The following RARB variants were observed in gnomAD, a reference collection of about 807,000 sequenced individuals.
RARB encodes HBV-activated protein.
A neutral mutation model predicts 51.9 loss-of-function variants in RARB; 17 were observed. The ratio of observed to expected loss-of-function variants is 0.33; its 90% CI spans 0.22 to 0.49. The LOEUF (loss-of-function observed/expected upper bound fraction) is 0.49, where lower values mean the gene tolerates loss of function less well. RARB is among the 20% of genes least tolerant of loss of function. RARB has a pLI of 0.99. For missense variants in RARB, 369 were observed against 550.8 expected (o/e 0.67, Z 3.30); for synonymous variants, 215 against 195.4 (o/e 1.10, Z -0.84).
intron 2 of RARB, among the ~76,000 whole-genome samples, chr3:25,053,987 T>C (rs1199146470): frequency 2.0e-5 from 3 of 152,134 alleles, no homozygotes; most frequent in African/African-American, 7.2e-5. Context: ...GCTCCTACTC[T>C]GGGCCTGGCG....
chr3:24,970,574 AACACACACAC>A (rs60292267), intron 2 of RARB, among the ~76,000 whole-genome samples: 29 of 148,870 alleles, frequency 1.9e-4, no homozygotes, highest in Middle Eastern at 3.5e-3. Context: ...AAGTCATGTA[AACACACACAC>A]ACACACACAC....
chr3:25,527,124 G>A (rs1339526375), intron 3 of RARB, among the ~76,000 whole-genome samples: 4 of 152,216 alleles, frequency 2.6e-5, no homozygotes, highest in African/African-American at 9.6e-5. Flanking sequence ...TGCACATTCT[G>A]AATTGGCAGG....
chr3:25,392,885 T>C (rs1440013432), intron 5 of RARB, among the ~76,000 whole-genome samples: 1 of 152,174 alleles, frequency 6.6e-6, no homozygotes, highest in Non-Finnish European at 1.5e-5. Context: ...TTTATTTCTT[T>C]CTCTTGTCTG....
At chr3:25,321,911 G>A (rs1397352691) in intron 5 of RARB, among the ~76,000 whole-genome samples, 1 of 151,690 alleles carries the variant, frequency 6.6e-6, no homozygotes, top group Admixed American at 6.6e-5. Context: ...GGAATTTGTG[G>A]AGGCAGGCAG....
At chr3:25,001,105 G>A (rs1037646428) in intron 2 of RARB, among the ~76,000 whole-genome samples, 1 of 152,056 alleles carries the variant, frequency 6.6e-6, no homozygotes, top group Non-Finnish European at 1.5e-5. Flanking sequence ...GTTGAGAAAT[G>A]TGTGAGGATG....
At chr3:25,172,587 C>T (rs190557603) in intron 4 of RARB, among the ~76,000 whole-genome samples, 1 of 152,262 alleles carries the variant, frequency 6.6e-6, no homozygotes, top group African/African-American at 2.4e-5. Flanking sequence ...CTCAACCTTA[C>T]CCAGATCCCT....
rs1413825514 is a variant in RARB, at chr3:25,146,499, G to GTTTTTTTTTTTT, written c.-280+14294_-280+14295insTTTTTTTTTTTT. Among the ~76,000 whole-genome samples the GTTTTTTTTTTTT allele has an allele frequency of 1.8e-4, 19 of 104,434 alleles. 3 individuals are homozygous for GTTTTTTTTTTTT. Among genetic ancestry groups the GTTTTTTTTTTTT allele is most frequent in the Non-Finnish European group, 3.8e-4 (19 of 50,214 alleles). 68.5% of individuals were successfully genotyped at this position (104,434 alleles called of 152,430 possible). ...CAGGCTATAATTTGCTAAGTTTTTTGTTTGTTTGTTTGTTTTTTTTTTTTT... is the reference window on the plus strand; with the variant it reads ...CAGGCTATAATTTGCTAAGTTTTTTGTTTTTTTTTTTTTTTGTTTGTTTGTTTTTTTTTTTTT... On this transcript the variant is annotated intron_variant, in intron 4 of 11. Transcript: ENST00000383772.
intron 2 of RARB, among the ~76,000 whole-genome samples, chr3:24,911,172 A>C (rs1694982487): frequency 6.6e-6 from 1 of 152,204 alleles, no homozygotes; most frequent in Admixed American, 6.5e-5. Flanking sequence ...TTCTAGGATG[A>C]AACCATCTTC....
chr3:25,147,684 C>T (rs1700217094), intron 4 of RARB, among the ~76,000 whole-genome samples: 1 of 152,134 alleles, frequency 6.6e-6, no homozygotes, highest in Non-Finnish European at 1.5e-5. Context: ...TAACTATAAG[C>T]TGGTGTAAGG....
At chr3:24,850,181 C>A (rs1702538880) in intron 1 of RARB, among the ~76,000 whole-genome samples, 1 of 152,164 alleles carries the variant, frequency 6.6e-6, no homozygotes, top group Non-Finnish European at 1.5e-5. Flanking sequence ...CTAAACACAT[C>A]CCCAAAGCCT....
intron 2 of RARB, among the ~76,000 whole-genome samples, chr3:24,981,479 A>G (rs1370345816): frequency 1.3e-5 from 2 of 151,956 alleles, no homozygotes; most frequent in Non-Finnish European, 2.9e-5. Flanking sequence ...ATAACTGCCT[A>G]CTCAAGCCTC....
chr3:24,881,928 C>CA (rs1185206075), intron 2 of RARB, among the ~76,000 whole-genome samples: 56 of 151,966 alleles, frequency 3.7e-4, no homozygotes, highest in African/African-American at 1.4e-3. Context: ...AATATTGACT[C>CA]AATTTTTAGC....
At chr3:24,895,965 T>C (rs1476813392) in intron 2 of RARB, among the ~76,000 whole-genome samples, 1 of 152,208 alleles carries the variant, frequency 6.6e-6, no homozygotes, top group Non-Finnish European at 1.5e-5. Context: ...ACAAATCATA[T>C]CTATAAAAAG....
chr3:24,994,257 T>C (rs975258569), intron 2 of RARB, among the ~76,000 whole-genome samples: 1 of 152,154 alleles, frequency 6.6e-6, no homozygotes, highest in East Asian at 1.9e-4. Context: ...TGATAATTCA[T>C]GATGTTGGTC....
intron 5 of RARB, among the ~76,000 whole-genome samples, chr3:25,210,724 G>A (rs1308515426): frequency 2.0e-5 from 3 of 151,264 alleles, no homozygotes; most frequent in African/African-American, 4.9e-5. Flanking sequence ...TATTGGAGAA[G>A]GGGTTTCATC....
intron 3 of RARB, among the ~76,000 whole-genome samples, chr3:25,522,342 C>T (rs770589975): frequency 5.3e-5 from 8 of 152,184 alleles, no homozygotes; most frequent in Middle Eastern, 6.8e-3. Context: ...AACAACCTTT[C>T]GGTAGGCGCA....
rs144041210 is a variant in RARB, at chr3:25,487,427, G to GT, written c.307-13755_307-13754insT. Among the ~76,000 whole-genome samples, 926 of 149,718 alleles carry GT rather than the reference G, an allele frequency of 6.2e-3. 10 individuals carry two copies. Among genetic ancestry groups the GT allele is most frequent in the African/African-American group, 0.022 (898 of 40,896 alleles). ...GCTTTGCCGGTAGTGAATGCTTACA[G>GT]AACACACACTGATACAATAGATTTT... On this transcript the variant is annotated intron_variant, in intron 2 of 7. Coordinates refer to ENST00000330688, the MANE Select transcript of RARB (RefSeq NM_000965.5).
chr3:25,287,724 T>C (rs555124852), intron 5 of RARB, among the ~76,000 whole-genome samples: 5 of 152,302 alleles, frequency 3.3e-5, no homozygotes, highest in Admixed American at 6.5e-5. Flanking sequence ...TAATCAAATA[T>C]GATGTCTTAT....
chr3:24,993,754 G>A (rs951506700), intron 2 of RARB, among the ~76,000 whole-genome samples: 3 of 151,920 alleles, frequency 2.0e-5, no homozygotes, highest in African/African-American at 7.3e-5. Flanking sequence ...GAGAACATGT[G>A]GTATTTAACT....
Sources: allele counts gnomAD v4.1 joint callset (sites outside exome capture counted in the v4.1 genomes callset), GRCh38; gene constraint gnomAD v4.1.1; transcripts MANE v1.5; gene names NCBI Gene and HGNC (gene_info 2026-07-23, HGNC 2026-07-21).